ACBD6: variants seen among roughly 807,000 people sequenced by gnomAD.
The protein encoded by ACBD6 is acyl-CoA-binding domain-containing protein 6.
ACBD6 carries 28 observed loss-of-function variants against 37.2 expected under a neutral mutation model. The ratio of observed to expected loss-of-function variants is 0.75; its 90% confidence interval spans 0.56 to 1.03. The LOEUF is 1.03. Ranked by LOEUF, ACBD6 falls within the 50% of genes least tolerant of loss-of-function variation. The pLI is 0.00. For missense variants in ACBD6, 340 were observed against 337.4 expected (o/e 1.01, Z -0.06); for synonymous variants, 113 against 126.8 (o/e 0.89, Z 0.73).
intron 3 of ACBD6, among the ~76,000 whole-genome samples, chr1:180,475,993 C>T (rs1169046581): frequency 2.0e-5 from 3 of 152,030 alleles, no homozygotes; most frequent in African/African-American, 4.8e-5. Context: ...TAAGGAAAAA[C>T]GGGACAACTG....
chr1:180,321,704 T>C (rs983416321), intron 6 of ACBD6, among the ~76,000 whole-genome samples: 5 of 152,158 alleles, frequency 3.3e-5, no homozygotes, highest in Admixed American at 1.3e-4. Flanking sequence ...GATTTTTGTA[T>C]GTTGATTTGT....
At chr1:180,325,577 T>C (rs1342702062) in intron 6 of ACBD6, among the ~76,000 whole-genome samples, 5 of 145,938 alleles carry the variant, frequency 3.4e-5, no homozygotes, top group African/African-American at 8.2e-5. Context: ...TGGTGTCTTA[T>C]TTAGTTTGGT....
intron 3 of ACBD6, 95 bp downstream of exon 3, chr1:180,492,174 G>T: frequency 1.2e-6 from 1 of 866,954 alleles, no homozygotes; most frequent in Non-Finnish European, 1.9e-6. Flanking sequence ...AAAACTTTAA[G>T]CATGTTACTT....
At chr1:180,434,558 G>A (rs1031693374) in intron 3 of ACBD6, among the ~76,000 whole-genome samples, 9 of 152,100 alleles carry the variant, frequency 5.9e-5, no homozygotes, top group African/African-American at 2.2e-4. Flanking sequence ...TAAGAACCTT[G>A]GTCTCCACAA....
intron 5 of ACBD6, among the ~76,000 whole-genome samples, chr1:180,408,709 T>C (rs1344008480): frequency 6.6e-6 from 1 of 152,002 alleles, no homozygotes; most frequent in Admixed American, 6.6e-5. Flanking sequence ...ATAATTACGT[T>C]AGGAGGGTCA....
chr1:180,361,639 C>T (rs1652858551), intron 6 of ACBD6, among the ~76,000 whole-genome samples: 1 of 152,100 alleles, frequency 6.6e-6, no homozygotes, highest in Admixed American at 6.6e-5. Context: ...AATGGCCTTC[C>T]AATAGAGACA....
At chr1:180,339,424 T>C (rs1053535492) in intron 6 of ACBD6, among the ~76,000 whole-genome samples, 3 of 152,130 alleles carry the variant, frequency 2.0e-5, no homozygotes, top group Non-Finnish European at 2.9e-5. Context: ...AGCAAACTAT[T>C]GCAAGGACAA....
At chr1:180,308,444 C>A (rs1650470530) in intron 7 of ACBD6, among the ~76,000 whole-genome samples, 1 of 152,168 alleles carries the variant, frequency 6.6e-6, no homozygotes, top group Admixed American at 6.5e-5. Context: ...GTTTAGCATT[C>A]ATCAGCCCAG....
chr1:180,448,351 T>C (rs1488518924), intron 3 of ACBD6, among the ~76,000 whole-genome samples: 3 of 152,216 alleles, frequency 2.0e-5, no homozygotes, highest in Admixed American at 1.3e-4. Flanking sequence ...TGGTCATCTT[T>C]ACCTAAATTT....
intron 3 of ACBD6, among the ~76,000 whole-genome samples, chr1:180,490,655 G>T (rs533132609): frequency 3.3e-5 from 5 of 151,688 alleles, no homozygotes; most frequent in African/African-American, 9.7e-5. Context: ...GTGTGGTGGT[G>T]GACGCCTGTA....
intron 6 of ACBD6, among the ~76,000 whole-genome samples, chr1:180,348,777 C>G (rs1459074630): frequency 1.3e-5 from 2 of 152,052 alleles, no homozygotes; most frequent in Admixed American, 6.5e-5. Flanking sequence ...ACAAATGTTC[C>G]TTATTTCTTG....
At chr1:180,388,580 C>T (rs1399182406) in intron 6 of ACBD6, among the ~76,000 whole-genome samples, 1 of 148,596 alleles carries the variant, frequency 6.7e-6, no homozygotes, top group Non-Finnish European at 1.5e-5. Context: ...ATGCAGGATA[C>T]AGATCAATAA....
intron 6 of ACBD6, among the ~76,000 whole-genome samples, chr1:180,337,223 T>A (rs1651760013): frequency 6.6e-6 from 1 of 152,052 alleles, no homozygotes; most frequent in African/African-American, 2.4e-5. Context: ...TAGACCAATA[T>A]CCCTGATGAA....
At chr1:180,419,081 C>T (rs1486130095) in intron 4 of ACBD6, among the ~76,000 whole-genome samples, 1 of 152,222 alleles carries the variant, frequency 6.6e-6, no homozygotes, top group Non-Finnish European at 1.5e-5. Context: ...GAAACCCCGT[C>T]TCTACTAAAA....
At chr1:180,318,916 C>T (rs1295507222) in intron 6 of ACBD6, among the ~76,000 whole-genome samples, 3 of 152,104 alleles carry the variant, frequency 2.0e-5, no homozygotes, top group Non-Finnish European at 4.4e-5. Flanking sequence ...TTTAGCTATG[C>T]TTATTTTGGC....
At chr1:180,279,105 A>G (rs1204831007) in intron 9 of ACBD6, 1 of 152,180 alleles carries the variant, frequency 6.6e-6, no homozygotes, top group African/African-American at 2.4e-5. Context: ...CCAAATATAC[A>G]ACTCTGAATG....
At chr1:180,394,887 A>C (rs1290595483) in intron 6 of ACBD6, among the ~76,000 whole-genome samples, 2 of 152,188 alleles carry the variant, frequency 1.3e-5, no homozygotes, top group Non-Finnish European at 2.9e-5. Flanking sequence ...TGTGGGGGAA[A>C]ATTTAAACAA....
chr1:180,371,317 C>G (rs758277838), intron 6 of ACBD6, among the ~76,000 whole-genome samples: 3 of 152,050 alleles, frequency 2.0e-5, no homozygotes, highest in African/African-American at 7.2e-5. Flanking sequence ...GAATTCTAGA[C>G]AGTTGTTAGT....
intron 7 of ACBD6, among the ~76,000 whole-genome samples, chr1:180,310,360 C>CACAA (rs747759768): frequency 6.6e-6 from 1 of 152,078 alleles, no homozygotes. Flanking sequence ...AACACTGACT[C>CACAA]ACAAACAAAC....
Sources: allele counts gnomAD v4.1 joint callset (sites outside exome capture counted in the v4.1 genomes callset), GRCh38; gene constraint gnomAD v4.1.1; transcripts MANE v1.5; gene names NCBI Gene and HGNC (gene_info 2026-07-23, HGNC 2026-07-21).